Variants in IL18R1 observed in about 807,000 individuals in gnomAD.
The protein encoded by IL18R1 is interleukin-18 receptor 1.
IL18R1 carries 40 observed loss-of-function variants against 48.5 expected under a neutral mutation model. That is an observed-to-expected ratio of 0.82 (90% CI 0.64 to 1.07). IL18R1 has a LOEUF of 1.07. Ranked by LOEUF, IL18R1 falls within the 50% of genes least tolerant of loss-of-function variation. The probability of loss-of-function intolerance (pLI) is 0.00; values close to 1 mark genes in which losing one functional copy is unlikely to be tolerated. For missense variants in IL18R1, 596 were observed against 633.7 expected, an observed-to-expected ratio of 0.94 and a Z score of 0.64; for synonymous variants, 232 against 225.9, an observed-to-expected ratio of 1.03 and a Z score of -0.24.
intron 6 of IL18R1, among the ~76,000 whole-genome samples, chr2:102,382,641 C>G (rs1213082213): frequency 6.6e-6 from 1 of 152,104 alleles, no homozygotes; most frequent in Non-Finnish European, 1.5e-5. Context: ...GGCTAAGTAA[C>G]TTGTCTAAAG....
chr2:102,386,648 C>G (rs1319500064), intron 7 of IL18R1, among the ~76,000 whole-genome samples: 5 of 152,190 alleles, frequency 3.3e-5, no homozygotes, highest in African/African-American at 1.2e-4. Context: ...CAGCACCATT[C>G]CCAAATGGCC....
chr2:102,356,366 G>T lies in IL18R1; in HGVS notation c.-63G>T, dbSNP rs958217914. The T allele has an allele frequency of 1.0e-6, 1 of 984,678 alleles. No homozygotes were observed. Among genetic ancestry groups the T allele is most frequent in the Admixed American group, 6.2e-5 (1 of 16,260 alleles). 61.0% of individuals were successfully genotyped at this position (984,678 alleles called of 1,614,324 possible). On this transcript the variant is annotated 5_prime_UTR_variant, in exon 1 of 11. Coordinates refer to ENST00000233957, the MANE Select transcript of IL18R1 (RefSeq NM_003855.5). Reference sequence around the variant, plus strand: ...GACCTGGCGTGAAGGAGGAGCTGCCGCCCCCGCCCCAGCCTCGGGGACGCC... The same window carrying T: ...GACCTGGCGTGAAGGAGGAGCTGCCTCCCCCGCCCCAGCCTCGGGGACGCC...
intron 7 of IL18R1, 125 bp downstream of exon 7, chr2:102,385,123 T>A: frequency 4.1e-6 from 2 of 488,054 alleles, no homozygotes; most frequent in Non-Finnish European, 6.9e-6. Flanking sequence ...ATTATAATTA[T>A]AATGGACATA....
At chr2:102,378,651 G>A (rs1022032991) in intron 5 of IL18R1, among the ~76,000 whole-genome samples, 2 of 152,158 alleles carry the variant, frequency 1.3e-5, no homozygotes, top group African/African-American at 4.8e-5. Context: ...TAACTTGAAA[G>A]GTTTCTGGAA....
chr2:102,375,771 G>C, intron 4 of IL18R1, 136 bp from the exon 5 acceptor site: 1 of 544,396 alleles, frequency 1.8e-6, no homozygotes, highest in East Asian at 3.2e-5. Context: ...CAAGTAACTG[G>C]GACATATGTC....
chr2:102,391,383 T>C (rs1382871459), intron 9 of IL18R1, among the ~76,000 whole-genome samples: 1 of 152,230 alleles, frequency 6.6e-6, no homozygotes. Context: ...CTTTGCTCTC[T>C]TATACCTTAG....
intron 2 of IL18R1, among the ~76,000 whole-genome samples, chr2:102,366,727 G>T (rs1395237776): frequency 1.3e-5 from 2 of 152,114 alleles, no homozygotes; most frequent in African/African-American, 4.8e-5. Context: ...ACAAAAGGGG[G>T]AAAAGCCCCT....
intron 10 of IL18R1, among the ~76,000 whole-genome samples, chr2:102,395,261 G>A (rs1293686089): frequency 6.6e-6 from 1 of 151,448 alleles, no homozygotes; most frequent in African/African-American, 2.4e-5. Context: ...TCTTTTTAAT[G>A]AGTAACATTT....
chr2:102,367,889 C>T lies in IL18R1; in HGVS notation c.123C>T (p.Cys41=). ...VEGEPFYLKH[C]SCSLAHEIET... ...GGGAACCTTTCTATCTGAAACATTGCTCGTGTTCACTTGCACATGAGATTG... is the reference window on the plus strand; with the variant it reads ...GGGAACCTTTCTATCTGAAACATTGTTCGTGTTCACTTGCACATGAGATTG... The change falls in exon 3 of 11, where the codon TGC becomes TGT. Residue 41 remains cysteine (C), a synonymous_variant. Transcript: ENST00000233957. The T allele has an allele frequency of 1.2e-6, 2 of 1,614,032 alleles. No individual in the cohort carries two copies. Among genetic ancestry groups the T allele is most frequent in the East Asian group, 2.2e-5 (1 of 44,880 alleles).
At chr2:102,363,576 A>G (rs535687544) in intron 2 of IL18R1, among the ~76,000 whole-genome samples, 2 of 152,320 alleles carry the variant, frequency 1.3e-5, no homozygotes, top group African/African-American at 4.8e-5. Flanking sequence ...AGCAAGGTAC[A>G]GGAAAATGTG....
chr2:102,395,845 T>C (rs1443552850), intron 10 of IL18R1, among the ~76,000 whole-genome samples: 1 of 152,198 alleles, frequency 6.6e-6, no homozygotes, highest in African/African-American at 2.4e-5. Context: ...CCATCACACC[T>C]GCAACCCTTA....
At position 102,397,207 on chromosome 2, in the gene IL18R1, C is replaced by A. The variant is rs1680870875; in HGVS notation, c.*321C>A. On this transcript the variant is annotated 3_prime_UTR_variant, in exon 11 of 11. Coordinates refer to ENST00000233957, the MANE Select transcript of IL18R1 (RefSeq NM_003855.5). ...GAAGCTGGACGTGATGCAAAATAAC[C>A]GATGCCCTACAAAAAGGGCGCATCT... 2 of 241,684 alleles carry A rather than the reference C, an allele frequency of 8.3e-6. No homozygotes were observed. The highest frequency in any genetic ancestry group is 2.3e-5 in the African/African-American group (1 of 44,438). 15.0% of individuals were successfully genotyped at this position (241,684 alleles called of 1,614,324 possible). A position where few individuals can be genotyped will look rare whatever the true frequency, so the allele number is the denominator to read the frequency against.
intron 1 of IL18R1, among the ~76,000 whole-genome samples, chr2:102,361,939 G>C (rs892719985): frequency 6.6e-6 from 1 of 152,142 alleles, no homozygotes; most frequent in Non-Finnish European, 1.5e-5. Context: ...GAGTGTAGGA[G>C]ACTGTCACTT....
intron 2 of IL18R1, chr2:102,363,025 C>G: frequency 4.9e-6 from 1 of 205,908 alleles, no homozygotes. Flanking sequence ...AAAGATTCAT[C>G]TCATTATTTA....
Position 102,381,659 on chromosome 2 carries a change from T to C in IL18R1, c.665T>C (p.Leu222Pro). The C allele has an allele frequency of 6.2e-7, 1 of 1,612,836 alleles. No individual in the cohort carries two copies. Among genetic ancestry groups the C allele is most frequent in the Non-Finnish European group, 8.5e-7 (1 of 1,178,834 alleles). ...GTTCCGGTTCTTCTTGGACCAAAGC[T>C]TAACCATGTTGCAGTGGAATTAGGT... ...NIVPVLLGPK[L>P]NHVAVELGKN... is the part of the protein sequence containing the mutation. The change falls in exon 6 of 11, where the codon CTT becomes CCT. Residue 222 changes from leucine to proline, a missense_variant. Coordinates refer to ENST00000233957, the MANE Select transcript of IL18R1 (RefSeq NM_003855.5).
chr2:102,379,503 GT>G (rs1384912810), intron 5 of IL18R1, among the ~76,000 whole-genome samples: 2 of 150,472 alleles, frequency 1.3e-5, no homozygotes. Context: ...AGGGAAACCC[GT>G]TTTTTTCTTT....
At chr2:102,365,658 C>T (rs1678848919) in intron 2 of IL18R1, among the ~76,000 whole-genome samples, 1 of 152,218 alleles carries the variant, frequency 6.6e-6, no homozygotes, top group South Asian at 2.1e-4. Flanking sequence ...TTCCCTTCCA[C>T]ACTACCCTAG....
At chr2:102,361,759 G>C (rs889348336) in intron 1 of IL18R1, among the ~76,000 whole-genome samples, 3 of 152,114 alleles carry the variant, frequency 2.0e-5, no homozygotes, top group Admixed American at 6.5e-5. Context: ...CAAGGGATAT[G>C]GTGTTGTTTA....
At chr2:102,365,896 G>A (rs1559618735) in intron 2 of IL18R1, among the ~76,000 whole-genome samples, 1 of 152,170 alleles carries the variant, frequency 6.6e-6, no homozygotes, top group South Asian at 2.1e-4. Flanking sequence ...GGCTGGAGGG[G>A]TAGGATGCAG....
Sources: allele counts gnomAD v4.1 joint callset (sites outside exome capture counted in the v4.1 genomes callset), GRCh38; gene constraint gnomAD v4.1.1; transcripts MANE v1.5; gene names NCBI Gene and HGNC (gene_info 2026-07-23, HGNC 2026-07-21).